The following TMTC2 variants were observed in gnomAD, a reference collection of about 807,000 sequenced individuals.
TMTC2 encodes protein O-mannosyl-transferase TMTC2.
A neutral mutation model predicts 82.4 loss-of-function variants in TMTC2; 43 were observed. The ratio of observed to expected loss-of-function variants is 0.52; its 90% CI spans 0.41 to 0.67. TMTC2 has a LOEUF of 0.67. TMTC2 is among the 30% of genes least tolerant of loss of function. The pLI is 0.00. For missense variants in TMTC2, 919 were observed against 1,012.4 expected (o/e 0.91, Z 1.25); for synonymous variants, 408 against 381.9 (o/e 1.07, Z -0.80).
At position 83,102,940 on chromosome 12, in the gene TMTC2, C is replaced by T. The variant is rs1053380650; in HGVS notation, c.2332-29270C>T. Among the ~76,000 whole-genome samples the T allele has an allele frequency of 3.3e-5, 5 of 152,104 alleles. No individual in the cohort carries two copies. In the East Asian group the frequency reaches 7.7e-4, roughly 23 times the overall value. ...ATTTTTATAATTACTTCTGTCAGTACGGCAATACACAAAGATACTCTCCCC... is the reference window on the plus strand; with the variant it reads ...ATTTTTATAATTACTTCTGTCAGTATGGCAATACACAAAGATACTCTCCCC... On this transcript the variant is annotated intron_variant, in intron 11 of 11. Transcript: ENST00000321196.
At chr12:82,746,484 G>A (rs1459871080) in intron 1 of TMTC2, among the ~76,000 whole-genome samples, 1 of 152,104 alleles carries the variant, frequency 6.6e-6, no homozygotes, top group African/African-American at 2.4e-5. Context: ...GAAGACTATG[G>A]CTTTGAGCTT....
At chr12:82,756,790 A>G (rs1333417030) in intron 1 of TMTC2, among the ~76,000 whole-genome samples, 2 of 152,124 alleles carry the variant, frequency 1.3e-5, no homozygotes, top group Non-Finnish European at 2.9e-5. Flanking sequence ...TGATGGCCCT[A>G]CTGGCTGTAT....
intron 8 of TMTC2, among the ~76,000 whole-genome samples, chr12:82,987,419 CAAA>C (rs1236293175): frequency 5.6e-5 from 2 of 35,564 alleles, no homozygotes; most frequent in Non-Finnish European, 1.2e-4. Flanking sequence ...GACTCCATCT[CAAA>C]AAAAAAAAAA....
At chr12:83,091,847 C>A (rs184699492) in intron 11 of TMTC2, among the ~76,000 whole-genome samples, 1 of 152,122 alleles carries the variant, frequency 6.6e-6, no homozygotes, top group Non-Finnish European at 1.5e-5. Context: ...GGAATTTATT[C>A]TTTTATGGTT....
chr12:83,085,557 C>T (rs1177517987), intron 11 of TMTC2, among the ~76,000 whole-genome samples: 1 of 152,038 alleles, frequency 6.6e-6, no homozygotes, highest in Non-Finnish European at 1.5e-5. Context: ...TCTGTGCTAT[C>T]AAAAATAAAG....
intron 11 of TMTC2, among the ~76,000 whole-genome samples, chr12:83,100,631 A>AT (rs1050272930): frequency 4.0e-5 from 6 of 151,346 alleles, no homozygotes; most frequent in Admixed American, 6.6e-5. Context: ...ATAATCTGAG[A>AT]TTTTTTTTTC....
intron 11 of TMTC2, among the ~76,000 whole-genome samples, chr12:83,088,961 A>G (rs1030187233): frequency 2.2e-4 from 34 of 152,168 alleles, no homozygotes; most frequent in African/African-American, 7.7e-4. Flanking sequence ...CCTCCAGAAA[A>G]TACCTTTTTA....
At chr12:82,728,603 G>A (rs944089808) in intron 1 of TMTC2, among the ~76,000 whole-genome samples, 4 of 152,156 alleles carry the variant, frequency 2.6e-5, no homozygotes, top group Non-Finnish European at 2.9e-5. Context: ...AGGTGACAGC[G>A]TGCTGGCAGC....
chr12:82,990,926 A>G (rs1421174660), intron 8 of TMTC2, among the ~76,000 whole-genome samples: 2 of 152,138 alleles, frequency 1.3e-5, no homozygotes, highest in African/African-American at 2.4e-5. Context: ...GTGCTGAAAA[A>G]AAATGAATGA....
chr12:83,125,638 C>T (rs539135018), intron 11 of TMTC2, among the ~76,000 whole-genome samples: 17 of 152,264 alleles, frequency 1.1e-4, no homozygotes, highest in African/African-American at 4.1e-4. Flanking sequence ...CTGCATTATA[C>T]TTTTACCAGT....
intron 11 of TMTC2, among the ~76,000 whole-genome samples, chr12:83,092,962 C>T (rs1883892157): frequency 1.3e-5 from 2 of 152,174 alleles, no homozygotes; most frequent in South Asian, 2.1e-4. Flanking sequence ...ATGTTTGAAA[C>T]GTGTGTTCAG....
chr12:83,079,854 A>G (rs1456357136), intron 11 of TMTC2, among the ~76,000 whole-genome samples: 1 of 152,134 alleles, frequency 6.6e-6, no homozygotes, highest in African/African-American at 2.4e-5. Flanking sequence ...AGAATTTATA[A>G]TTTCTTACCT....
chr12:82,964,275 T>C (rs1878087932), intron 4 of TMTC2, among the ~76,000 whole-genome samples: 1 of 151,972 alleles, frequency 6.6e-6, no homozygotes, highest in Admixed American at 6.6e-5. Context: ...ATGCCTGTAA[T>C]TGATTTCATT....
intron 1 of TMTC2, among the ~76,000 whole-genome samples, chr12:82,763,302 A>G (rs2136983404): frequency 6.6e-6 from 1 of 152,316 alleles, no homozygotes; most frequent in East Asian, 1.9e-4. Context: ...AGTACATCCA[A>G]GAAAAAGTGT....
chr12:82,740,804 T>C (rs1435240026), intron 1 of TMTC2, among the ~76,000 whole-genome samples: 4 of 152,176 alleles, frequency 2.6e-5, no homozygotes, highest in Admixed American at 2.6e-4. Context: ...TGGAGAACAG[T>C]TGCCTACCTT....
chr12:82,861,356 C>T (rs763216567), intron 2 of TMTC2, among the ~76,000 whole-genome samples: 1 of 152,120 alleles, frequency 6.6e-6, no homozygotes, highest in Non-Finnish European at 1.5e-5. Flanking sequence ...AAGCTAACAA[C>T]CCCATACTTC....
intron 4 of TMTC2, among the ~76,000 whole-genome samples, chr12:82,959,999 CA>C (rs201608980): frequency 0.029 from 4,373 of 150,984 alleles, 79 homozygotes; most frequent in South Asian, 0.051. Context: ...CCATTAAAAA[CA>C]AAAAAAAGAA....
intron 1 of TMTC2, among the ~76,000 whole-genome samples, chr12:82,848,152 G>C (rs1472826099): frequency 6.6e-6 from 1 of 152,006 alleles, no homozygotes; most frequent in African/African-American, 2.4e-5. Context: ...CCATGAAGAA[G>C]AATCATACAT....
intron 3 of TMTC2, among the ~76,000 whole-genome samples, chr12:82,924,391 G>A (rs945592271): frequency 3.3e-5 from 5 of 152,088 alleles, no homozygotes; most frequent in African/African-American, 1.2e-4. Context: ...ATACAGTGAC[G>A]TTTTCCTTTT....
Sources: allele counts gnomAD v4.1 joint callset (sites outside exome capture counted in the v4.1 genomes callset), GRCh38; gene constraint gnomAD v4.1.1; transcripts MANE v1.5; gene names NCBI Gene and HGNC (gene_info 2026-07-23, HGNC 2026-07-21).